EPHB4: variants seen among roughly 807,000 people sequenced by gnomAD.
EPHB4 encodes EPH receptor B4, also known as ephrin type-B receptor 4.
A neutral mutation model predicts 110.6 loss-of-function variants in EPHB4; 50 were observed. The ratio of observed to expected loss-of-function variants is 0.45; its 90% CI spans 0.36 to 0.57. The LOEUF (loss-of-function observed/expected upper bound fraction) is 0.57, where lower values mean the gene tolerates loss of function less well. Among genes scored for constraint, EPHB4 ranks in the 20% least tolerant of loss-of-function variants. The pLI is 0.00. For synonymous variants in EPHB4, 592 were observed against 578.4 expected, an observed-to-expected ratio of 1.02 and a Z score of -0.34; for missense variants, 1,128 against 1,382.1, an observed-to-expected ratio of 0.82 and a Z score of 2.91.
At chr7:100,824,616 A>G (rs917212410) in intron 1 of EPHB4, 1 of 242,410 alleles carries the variant, frequency 4.1e-6, no homozygotes, top group Non-Finnish European at 8.1e-6. Flanking sequence ...GACCCCCACG[A>G]GCAGAGGCTG....
At chr7:100,823,492 C>G in intron 3 of EPHB4, 152 bp downstream of exon 3, 1 of 1,067,962 alleles carries the variant, frequency 9.4e-7, no homozygotes, top group South Asian at 1.6e-5. Flanking sequence ...CAGAAGATCA[C>G]CCCCTTCCCT....
Position 100,820,288 on chromosome 7 carries a change from G to T in EPHB4, c.817C>A (p.Gln273Lys). The T allele has an allele frequency of 6.2e-7, 1 of 1,613,762 alleles. No individual in the cohort carries two copies. Among genetic ancestry groups the T allele is most frequent in the Non-Finnish European group, 8.5e-7 (1 of 1,179,962 alleles). ...CCTGACAGGGGCTTGAAGGTGCCCTGGGCACAGGCTGAGAGAGAGAAAGCA... is the reference window on the plus strand; with the variant it reads ...CCTGACAGGGGCTTGAAGGTGCCCTTGGCACAGGCTGAGAGAGAGAAAGCA... ...EGNTKCRACA[Q>K]GTFKPLSGEG... The change falls in exon 5 of 17, where the codon CAG becomes AAG. Residue 273 changes from glutamine to lysine, a missense_variant. By Grantham distance (53) the Gln-to-Lys change is moderately conservative. Around this residue, in one of 3 missense-constraint regions of EPHB4, gnomAD observed 728 missense variants for 828.6 expected, o/e 0.88. Coordinates refer to ENST00000358173, the MANE Select transcript of EPHB4 (RefSeq NM_004444.5).
In EPHB4 at chr7:100,823,920, C is replaced by T; in HGVS notation, c.135G>A (p.Leu45=). ...TGTGCTGTTCCTCATCCAGGCCGCTCAGTTCCTCCCACTGTGCAGAGAAGG... is the reference window on the plus strand; with the variant it reads ...TGTGCTGTTCCTCATCCAGGCCGCTTAGTTCCTCCCACTGTGCAGAGAAGG... ...FPQVDGQWEE[L]SGLDEEQHSV... is the part of the protein sequence containing the mutation. Residue 45 remains leucine, a synonymous_variant, in exon 3 of 17, where the codon CTG becomes CTA. Transcript: ENST00000358173. 3.1e-6 allele frequency: 5 copies of T among 1,587,400 alleles called. No individual in the cohort carries two copies. Among genetic ancestry groups the T allele is most frequent in the Non-Finnish European group, 4.3e-6 (5 of 1,166,430 alleles).
At position 100,820,232 on chromosome 7, in the gene EPHB4, A is replaced by G. The variant is rs376169261; in HGVS notation, c.873T>C (p.Asn291=). 1.9e-6 allele frequency: 3 copies of G among 1,614,052 alleles called. No individual in the cohort carries two copies. Among genetic ancestry groups the G allele is most frequent in the Non-Finnish European group, 2.5e-6 (3 of 1,179,986 alleles). ...GEGSCQPCPA[N]SHSNTIGSAV... is the part of the protein sequence containing the mutation. ...CTGATCCAATGGTGTTAGAGTGGCT[A>G]TTGGCTGGGCATGGCTGGCAGGACC... The change falls in exon 5 of 17, where the codon AAT becomes AAC. Residue 291 remains asparagine (N), a synonymous_variant. Transcript: ENST00000358173.
chr7:100,818,540 C>T lies in EPHB4; in HGVS notation c.1402G>A (p.Glu468Lys), dbSNP rs977239511. The T allele has an allele frequency of 1.9e-6, 3 of 1,614,058 alleles. No homozygotes were observed. The highest frequency in any genetic ancestry group is 2.5e-6 in the Non-Finnish European group (3 of 1,180,010). The change falls in exon 7 of 17, where the codon GAG becomes AAG. Residue 468 changes from glutamate to lysine, a missense_variant. Glu to Lys is a moderately conservative substitution (Grantham distance 56). Around this residue, in one of 3 missense-constraint regions of EPHB4, gnomAD observed 728 missense variants for 828.6 expected, o/e 0.88. Coordinates refer to ENST00000358173, the MANE Select transcript of EPHB4 (RefSeq NM_004444.5). ...CTTACCTTCTCATGGTATTTGACCTCGTAGTCCAGCACAGCCCCACTGGGT... is the reference window on the plus strand; with the variant it reads ...CTTACCTTCTCATGGTATTTGACCTTGTAGTCCAGCACAGCCCCACTGGGT... ...RAPSGAVLDY[E>K]VKYHEKGAEG...
intron 1 of EPHB4, among the ~76,000 whole-genome samples, chr7:100,825,895 G>A (rs537846743): frequency 2.6e-4 from 39 of 152,246 alleles, no homozygotes; most frequent in African/African-American, 8.7e-4. Context: ...CCTCGTTCAT[G>A]GTTTTTGTTC....
chr7:100,815,827 A>G (rs894318284), intron 8 of EPHB4, among the ~76,000 whole-genome samples: 8 of 152,064 alleles, frequency 5.3e-5, no homozygotes, highest in African/African-American at 1.9e-4. Flanking sequence ...TCAACAAAAC[A>G]TAAAAAAAAA....
chr7:100,809,799 T>A (rs1165848875), intron 12 of EPHB4, among the ~76,000 whole-genome samples: 1 of 152,300 alleles, frequency 6.6e-6, no homozygotes, highest in East Asian at 1.9e-4. Flanking sequence ...CAGGTGTGTG[T>A]CACTGAACCT....
intron 3 of EPHB4, among the ~76,000 whole-genome samples, chr7:100,823,422 G>A (rs1325793835): frequency 1.3e-5 from 2 of 152,176 alleles, no homozygotes; most frequent in African/African-American, 4.8e-5. Context: ...GGAGAAGCCT[G>A]ACCCTTGGGC....
chr7:100,809,485 T>G (rs1156933465), intron 12 of EPHB4, among the ~76,000 whole-genome samples: 1 of 151,926 alleles, frequency 6.6e-6, no homozygotes, highest in Non-Finnish European at 1.5e-5. Flanking sequence ...ATCTACCATC[T>G]CTCCTCTGTT....
rs772293299 is a variant in EPHB4 at position 100,806,457 on chromosome 7, A to C, written c.2447T>G (p.Phe816Cys). 1 of 1,613,990 alleles carries C rather than the reference A, an allele frequency of 6.2e-7. No individual in the cohort carries two copies. The highest frequency in any genetic ancestry group is 1.3e-5 in the African/African-American group (1 of 74,982). Residue 816 changes from phenylalanine to cysteine, a missense_variant, in exon 14 of 17, where the codon TTT becomes TGT. This residue lies in a region of EPHB4 where 209 missense variants were observed against 240.5 expected (regional missense o/e 0.87). Coordinates refer to ENST00000358173, the MANE Select transcript of EPHB4 (RefSeq NM_004444.5). ...CATGTCCCAGTACGGCCTCTCCCCA[A>C]ATGACATCACCTCCCACATCACAAT... is the stretch of plus-strand genomic sequence containing the variant. ...YGIVMWEVMSFGERPYWDMSN... is the reference protein window; with the variant it reads ...YGIVMWEVMSCGERPYWDMSN...
In EPHB4 at chr7:100,807,380, G is replaced by C. The variant is rs984719753; in HGVS notation, c.2319C>G (p.Thr773=). ...CCAGCATTACCAGGGAGCTCGTGTA[G>C]GTGGGATCGGAAGAGTTCTCCTCCA... is the stretch of plus-strand genomic sequence containing the variant. ...RFLEENSSDP[T]YTSSLGGKIP... Residue 773 remains threonine, a synonymous_variant, in exon 13 of 17, where the codon ACC becomes ACG. Coordinates refer to ENST00000358173, the MANE Select transcript of EPHB4 (RefSeq NM_004444.5). 5.0e-6 allele frequency: 8 copies of C among 1,613,848 alleles called. No individual in the cohort carries two copies. The highest frequency in any genetic ancestry group is 4.0e-5 in the African/African-American group (3 of 75,008).
At position 100,827,112 on chromosome 7, in the gene EPHB4, G is replaced by A. The variant is rs1813428007; in HGVS notation, c.-82C>T. 1 of 1,462,228 alleles carries A rather than the reference G, an allele frequency of 6.8e-7. No homozygotes were observed. Among genetic ancestry groups the A allele is most frequent in the Admixed American group, 2.2e-5 (1 of 46,398 alleles). 90.6% of individuals were successfully genotyped at this position (1,462,228 alleles called of 1,614,324 possible). A position where few individuals can be genotyped will look rare whatever the true frequency, so the allele number is the denominator to read the frequency against. On this transcript the variant is annotated 5_prime_UTR_variant, in exon 1 of 17. Coordinates refer to ENST00000358173, the MANE Select transcript of EPHB4 (RefSeq NM_004444.5). Reference sequence around the variant, plus strand: ...AGGTCTGACTCTCCCTGGGCGGGTGGACGCCGATACTCCGCGCGGGACTCC... The same window carrying A: ...AGGTCTGACTCTCCCTGGGCGGGTGAACGCCGATACTCCGCGCGGGACTCC...
At chr7:100,818,862 A>T (rs991975151) in intron 6 of EPHB4, among the ~76,000 whole-genome samples, 6 of 151,788 alleles carry the variant, frequency 4.0e-5, no homozygotes, top group African/African-American at 1.5e-4. Context: ...TGCCTGGCTA[A>T]TTTTTTTATT....
At chr7:100,826,894 G>GC in intron 1 of EPHB4, 85 bp downstream of exon 1, 1 of 1,476,404 alleles carries the variant, frequency 6.8e-7, no homozygotes, top group Non-Finnish European at 9.1e-7. Flanking sequence ...GTAGTCAGAG[G>GC]CCGGCCCCTC....
rs966983581 is a variant in EPHB4 at position 100,822,305 on chromosome 7, C to A, written c.774G>T (p.Gly258=). The A allele has an allele frequency of 1.9e-6, 3 of 1,566,122 alleles. No individual in the cohort carries two copies. Among genetic ancestry groups the A allele is most frequent in the Admixed American group, 1.8e-5 (1 of 54,940 alleles). The change falls in exon 4 of 17, where the codon GGG becomes GGT. Residue 258 remains glycine (G), a synonymous_variant. Coordinates refer to ENST00000358173, the MANE Select transcript of EPHB4 (RefSeq NM_004444.5). This position sits in a 1 kb window ranked among gnomAD's most constrained non-coding sequence, Gnocchi z 4.7. ...QPVTGCSCAP[G]FEAAEGNTKC... is the part of the protein sequence containing the mutation. The stretch of plus-strand genomic sequence containing the variant: ...TGGTGTTCCCCTCAGCTGCCTCGAA[C>A]CCCGGAGCACAGCTGCAGCCCGTGA...
At chr7:100,823,443 G>A (rs1011365096) in intron 3 of EPHB4, among the ~76,000 whole-genome samples, 3 of 152,156 alleles carry the variant, frequency 2.0e-5, no homozygotes, top group Non-Finnish European at 2.9e-5. Flanking sequence ...CTCCCTGGGG[G>A]CCGGGCCAGG....
At chr7:100,808,760 T>G (rs1812868307) in intron 12 of EPHB4, among the ~76,000 whole-genome samples, 1 of 152,180 alleles carries the variant, frequency 6.6e-6, no homozygotes, top group Non-Finnish European at 1.5e-5. Flanking sequence ...CCGCTAAGAT[T>G]TGGCAGACCA....
intron 8 of EPHB4, among the ~76,000 whole-genome samples, chr7:100,816,902 T>C (rs1335251068): frequency 6.6e-6 from 1 of 151,792 alleles, no homozygotes; most frequent in Non-Finnish European, 1.5e-5. Context: ...GCCAACGCGG[T>C]GAAGCCCCGT....
Sources: allele counts gnomAD v4.1 joint callset (sites outside exome capture counted in the v4.1 genomes callset), GRCh38; gene constraint gnomAD v4.1.1; regional missense constraint gnomAD v4.1.1; non-coding constraint Gnocchi (gnomAD v3.1); transcripts MANE v1.5; gene names NCBI Gene and HGNC (gene_info 2026-07-23, HGNC 2026-07-21).